Variants in SORL1 observed in about 807,000 individuals in gnomAD.
The protein encoded by SORL1 is sortilin related receptor 1, also known as sortilin-related receptor.
Under a neutral mutation model 273.7 loss-of-function variants are expected in SORL1, and 127 were observed. That is an observed-to-expected ratio of 0.46 (90% CI 0.40 to 0.54). The LOEUF is 0.54. Among genes scored for constraint, SORL1 ranks in the 20% least tolerant of loss-of-function variants. The pLI is 0.00. For missense variants in SORL1, 2,494 were observed against 2,846.1 expected, an observed-to-expected ratio of 0.88 and a Z score of 2.81; for synonymous variants, 1,031 against 1,067.4, an observed-to-expected ratio of 0.97 and a Z score of 0.66.
chr11:121,577,572 C>A (rs1862953256), intron 25 of SORL1, among the ~76,000 whole-genome samples, 172 bp downstream of exon 25: 1 of 152,212 alleles, frequency 6.6e-6, no homozygotes, highest in Non-Finnish European at 1.5e-5. Context: ...GAACCTGTGC[C>A]AGAATGTAAA....
chr11:121,493,103 C>T (rs1302298336), intron 5 of SORL1, among the ~76,000 whole-genome samples: 1 of 152,160 alleles, frequency 6.6e-6, no homozygotes, highest in Non-Finnish European at 1.5e-5. Flanking sequence ...CTCACCCTCT[C>T]AAGTAGCTAG....
chr11:121,549,916 A>G, intron 14 of SORL1, 44 bp from the exon 15 acceptor site: 1 of 1,601,036 alleles, frequency 6.2e-7, no homozygotes, highest in Middle Eastern at 1.7e-4. Context: ...AATGCCTGAA[A>G]TGTATAAAAC....
intron 24 of SORL1, chr11:121,576,828 G>A (rs1204868820): frequency 2.0e-6 from 3 of 1,532,838 alleles, no homozygotes; most frequent in Non-Finnish European, 1.7e-6. Flanking sequence ...CTCTGACTGA[G>A]CATCTCACGG....
Position 121,586,325 on chromosome 11 carries a change from C to G in SORL1, c.3810C>G (p.His1270Gln), listed in dbSNP as rs1384571487. 1 of 1,612,504 alleles carries G rather than the reference C, an allele frequency of 6.2e-7. No individual in the cohort carries two copies. Among genetic ancestry groups the G allele is most frequent in the Non-Finnish European group, 8.5e-7 (1 of 1,178,452 alleles). ...RDCSDGSDEQHCEPLCTHFMD... is the reference protein window; with the variant it reads ...RDCSDGSDEQQCEPLCTHFMD... ...GCTCTGATGGCTCCGATGAACAGCA[C>G]TGCGGTGAGTTCATTCCTTGCCCCC... The change falls in exon 27 of 48, where the codon CAC (histidine) becomes CAG (glutamine). Residue 1270 changes from histidine to glutamine, a missense_variant. His to Gln is a conservative substitution (Grantham distance 24). This residue lies in a region of SORL1 where 1,609 missense variants were observed against 1,816.4 expected (regional missense o/e 0.89). Transcript: ENST00000260197.
intron 16 of SORL1, among the ~76,000 whole-genome samples, chr11:121,551,920 C>T (rs767181902): frequency 1.9e-4 from 29 of 152,248 alleles, no homozygotes; most frequent in African/African-American, 4.3e-4. Flanking sequence ...TTGATGAGGG[C>T]GTGGGTTAGT....
intron 9 of SORL1, among the ~76,000 whole-genome samples, chr11:121,521,455 C>A (rs188071401): frequency 1.6e-4 from 25 of 152,186 alleles, no homozygotes; most frequent in African/African-American, 6.0e-4. Flanking sequence ...TTAGTTAAAT[C>A]GAATTAATGG....
intron 14 of SORL1, among the ~76,000 whole-genome samples, chr11:121,549,293 G>C (rs778507155): frequency 6.6e-6 from 1 of 152,170 alleles, no homozygotes. Context: ...CGCAATCACG[G>C]CTCACTACAG....
At chr11:121,618,944 G>C in intron 42 of SORL1, 51 bp downstream of exon 42, 1 of 1,609,072 alleles carries the variant, frequency 6.2e-7, no homozygotes, top group Non-Finnish European at 8.5e-7. Flanking sequence ...TAAGTCCTGG[G>C]CTCTGGTCTC....
intron 35 of SORL1, among the ~76,000 whole-genome samples, chr11:121,605,802 C>G (rs1863462020): frequency 6.6e-6 from 1 of 152,198 alleles, no homozygotes; most frequent in African/African-American, 2.4e-5. Flanking sequence ...CACCATTGCC[C>G]TCTTGCATTT....
At chr11:121,519,178 C>G (rs964842477) in intron 8 of SORL1, among the ~76,000 whole-genome samples, 1 of 151,926 alleles carries the variant, frequency 6.6e-6, no homozygotes, top group Admixed American at 6.6e-5. Flanking sequence ...GATCTCTTGA[C>G]CTTGTGATCT....
At chr11:121,575,431 C>T (rs1222546367) in intron 24 of SORL1, among the ~76,000 whole-genome samples, 1 of 152,236 alleles carries the variant, frequency 6.6e-6, no homozygotes, top group Non-Finnish European at 1.5e-5. Flanking sequence ...GATGAGTTGG[C>T]GGGGCCCTAC....
At chr11:121,472,362 A>G (rs1229566976) in intron 2 of SORL1, among the ~76,000 whole-genome samples, 1 of 152,218 alleles carries the variant, frequency 6.6e-6, no homozygotes, top group Non-Finnish European at 1.5e-5. Flanking sequence ...TAAAGACCTT[A>G]AGCATTGTTT....
At chr11:121,471,455 A>G (rs1449334354) in intron 2 of SORL1, among the ~76,000 whole-genome samples, 1 of 151,772 alleles carries the variant, frequency 6.6e-6, no homozygotes, top group Non-Finnish European at 1.5e-5. Flanking sequence ...TGTGCTCTGG[A>G]CTCCTCCTTG....
intron 2 of SORL1, among the ~76,000 whole-genome samples, chr11:121,474,776 A>T (rs968028266): frequency 7.9e-5 from 12 of 152,244 alleles, no homozygotes; most frequent in Admixed American, 6.5e-4. Context: ...TGGTGCTGCC[A>T]TGAAGAAAAG....
chr11:121,561,624 G>A (rs1331002652), intron 21 of SORL1, among the ~76,000 whole-genome samples: 3 of 151,164 alleles, frequency 2.0e-5, no homozygotes, highest in African/African-American at 4.9e-5. Context: ...GGGAGGTTGA[G>A]GCTGCAGTTA....
chr11:121,585,783 G>C (rs960897999), intron 26 of SORL1, among the ~76,000 whole-genome samples: 1 of 151,952 alleles, frequency 6.6e-6, no homozygotes, highest in African/African-American at 2.4e-5. Flanking sequence ...TCACAGAACT[G>C]TTTATCTAGG....
intron 13 of SORL1, 77 bp downstream of exon 13, chr11:121,543,803 T>C: frequency 7.4e-7 from 1 of 1,356,858 alleles, no homozygotes; most frequent in Non-Finnish European, 1.0e-6. Flanking sequence ...CCAGCTTAGA[T>C]ACTGTGTACT....
chr11:121,618,279 C>T (rs1199948168), intron 41 of SORL1, among the ~76,000 whole-genome samples: 1 of 152,188 alleles, frequency 6.6e-6, no homozygotes, highest in Non-Finnish European at 1.5e-5. Flanking sequence ...GGACAGCCAG[C>T]CGTGTCTGCT....
intron 3 of SORL1, among the ~76,000 whole-genome samples, chr11:121,485,761 T>C (rs1861464140): frequency 6.6e-6 from 1 of 152,220 alleles, no homozygotes; most frequent in African/African-American, 2.4e-5. Context: ...GGAATACTTT[T>C]ATGCCAGAAA....
Sources: allele counts gnomAD v4.1 joint callset (sites outside exome capture counted in the v4.1 genomes callset), GRCh38; gene constraint gnomAD v4.1.1; regional missense constraint gnomAD v4.1.1; transcripts MANE v1.5; gene names NCBI Gene and HGNC (gene_info 2026-07-23, HGNC 2026-07-21).